The following RFX3 variants were observed in gnomAD, a reference collection of about 807,000 sequenced individuals.
RFX3 encodes the protein regulatory factor X3.
RFX3 carries 14 observed loss-of-function variants against 98.6 expected under a neutral mutation model. The ratio of observed to expected loss-of-function variants is 0.14; its 90% CI spans 0.09 to 0.22. RFX3 has a LOEUF of 0.22. Ranked by LOEUF, RFX3 falls within the 10% of genes least tolerant of loss-of-function variation. RFX3 has a pLI of 1.00. For missense variants in RFX3, 639 were observed against 926.9 expected (o/e 0.69, Z 4.03); for synonymous variants, 383 against 328.4 (o/e 1.17, Z -1.80).
intron 5 of RFX3, among the ~76,000 whole-genome samples, chr9:3,299,233 A>G (rs1376393315): frequency 6.6e-6 from 1 of 151,804 alleles, no homozygotes; most frequent in African/African-American, 2.4e-5. Context: ...AGAATGTAAA[A>G]TACTTTTAGC....
rs377654719 is a variant in RFX3, at chr9:3,505,410, TA to T, written c.-9+20336del. On this transcript the variant is annotated intron_variant, in intron 1 of 16. Coordinates refer to ENST00000617270, the MANE Select transcript of RFX3 (RefSeq NM_001282116.2). Reference sequence around the variant, plus strand: ...ATATAATATAAAATAAAATACTTTATATTTATATAAAATATAAAATAAAATA... The same window carrying T: ...ATATAATATAAAATAAAATACTTTATTTTATATAAAATATAAAATAAAATA... Among the ~76,000 whole-genome samples the T allele has an allele frequency of 2.8e-3, 72 of 25,460 alleles. 8 individuals are homozygous for T. Among genetic ancestry groups the T allele is most frequent in the Middle Eastern group, 0.038 (1 of 26 alleles). The allele number at this position is 25,460 out of a possible 152,430, so 16.7% of individuals were successfully genotyped here. A position where few individuals can be genotyped will look rare whatever the true frequency, so the allele number is the denominator to read the frequency against.
chr9:3,282,686 T>C (rs1187802934), intron 7 of RFX3, among the ~76,000 whole-genome samples: 1 of 151,796 alleles, frequency 6.6e-6, no homozygotes, highest in Non-Finnish European at 1.5e-5. Flanking sequence ...AGAACTGATA[T>C]ATTCTTGCTA....
At chr9:3,297,746 C>G (rs1300960910) in intron 5 of RFX3, among the ~76,000 whole-genome samples, 2 of 151,816 alleles carry the variant, frequency 1.3e-5, no homozygotes, top group Non-Finnish European at 2.9e-5. Context: ...AACCAGCAAA[C>G]AACAGGAAAT....
chr9:3,245,141 G>A lies in RFX3; in HGVS notation c.1968+2891C>T, dbSNP rs150496851. On this transcript the variant is annotated intron_variant, in intron 15 of 16. Coordinates refer to ENST00000617270, the MANE Select transcript of RFX3 (RefSeq NM_001282116.2). ...AGAACTGTGCAATTAGTATTGTGGA[G>A]CTTCTAGAATGACAAGTAAAAGTAC... Among the ~76,000 whole-genome samples, 328 of 152,290 alleles carry A rather than the reference G, an allele frequency of 2.2e-3. 3 individuals are homozygous for A. The highest frequency in any genetic ancestry group is 7.6e-3 in the African/African-American group (315 of 41,552).
intron 4 of RFX3, among the ~76,000 whole-genome samples, chr9:3,310,450 T>A (rs926335900): frequency 6.6e-6 from 1 of 152,262 alleles, no homozygotes; most frequent in African/African-American, 2.4e-5. Context: ...GGCTTTTTAA[T>A]CTTTTGTTAA....
At chr9:3,423,077 C>T (rs2132380679) in intron 1 of RFX3, among the ~76,000 whole-genome samples, 1 of 152,304 alleles carries the variant, frequency 6.6e-6, no homozygotes, top group East Asian at 1.9e-4. Flanking sequence ...CTGATGACTA[C>T]AGGCTTCTTC....
At chr9:3,341,703 T>G (rs1833908861) in intron 3 of RFX3, among the ~76,000 whole-genome samples, 1 of 152,196 alleles carries the variant, frequency 6.6e-6, no homozygotes, top group East Asian at 1.9e-4. Flanking sequence ...CAGGGTGCCC[T>G]TCCATGGTCT....
At chr9:3,249,333 A>C (rs932799225) in intron 14 of RFX3, among the ~76,000 whole-genome samples, 1 of 152,224 alleles carries the variant, frequency 6.6e-6, no homozygotes, top group Non-Finnish European at 1.5e-5. Flanking sequence ...CATCTGAAAC[A>C]CAGAAGCCTT....
chr9:3,381,352 T>C (rs1839174908), intron 2 of RFX3, among the ~76,000 whole-genome samples: 1 of 152,096 alleles, frequency 6.6e-6, no homozygotes, highest in South Asian at 2.1e-4. Flanking sequence ...AAAAAGATTA[T>C]TACTGGGATC....
chr9:3,426,518 AGAGGTGAGCAG>A lies in RFX3; in HGVS notation c.-8-30933_-8-30923del, dbSNP rs1263899545. On this transcript the variant is annotated intron_variant, in intron 1 of 16. Transcript: ENST00000617270. The stretch of plus-strand genomic sequence containing the variant: ...CAGACCACACAGCAGGAGGTGAGCA[AGAGGTGAGCAG>A]GAGGTGAGCAGCAGGTGAGCCAGTG... 4.0e-4 allele frequency among the ~76,000 whole-genome samples: 61 copies of A among 152,184 alleles called. 1 individual carries two copies. The highest frequency in any genetic ancestry group is 1.3e-3 in the African/African-American group (53 of 41,526).
At chr9:3,340,239 T>G (rs1295576633) in intron 3 of RFX3, among the ~76,000 whole-genome samples, 1 of 152,154 alleles carries the variant, frequency 6.6e-6, no homozygotes, top group Non-Finnish European at 1.5e-5. Flanking sequence ...TTACACCTTA[T>G]GCAAAAATTA....
At chr9:3,490,544 A>G (rs569493837) in intron 1 of RFX3, among the ~76,000 whole-genome samples, 2 of 152,258 alleles carry the variant, frequency 1.3e-5, no homozygotes, top group South Asian at 4.1e-4. Context: ...GCCAAAAAAG[A>G]TACTGTTTTT....
intron 1 of RFX3, among the ~76,000 whole-genome samples, chr9:3,506,327 T>C (rs1159780628): frequency 1.3e-5 from 2 of 151,712 alleles, no homozygotes; most frequent in Non-Finnish European, 2.9e-5. Flanking sequence ...CAAACATGGA[T>C]CTCACTACTG....
At chr9:3,248,315 A>G in intron 14 of RFX3, 130 bp from the exon 15 acceptor site, 1 of 1,154,324 alleles carries the variant, frequency 8.7e-7, no homozygotes, top group African/African-American at 1.6e-5. Flanking sequence ...ACCTGCCATG[A>G]AAGCATTTCA....
In RFX3 at chr9:3,277,525, G is replaced by A. The variant is rs368822444; in HGVS notation, c.852-64C>T. 89 of 1,413,016 alleles carry A rather than the reference G, an allele frequency of 6.3e-5. No individual in the cohort carries two copies. In the African/African-American group the frequency reaches 9.9e-4, roughly 16 times the overall value. 87.5% of individuals were successfully genotyped at this position (1,413,016 alleles called of 1,614,324 possible). A position where few individuals can be genotyped will look rare whatever the true frequency, so the allele number is the denominator to read the frequency against. ...TATTCCTTGCTTTTTTGTACTACCCGAAACTCCCAAAGCATTCAGTTTTAT... is the reference window on the plus strand; with the variant it reads ...TATTCCTTGCTTTTTTGTACTACCCAAAACTCCCAAAGCATTCAGTTTTAT... On this transcript the variant is annotated intron_variant, in intron 7 of 16. Coordinates refer to ENST00000617270, the MANE Select transcript of RFX3 (RefSeq NM_001282116.2).
At chr9:3,420,015 A>G (rs1269048158) in intron 1 of RFX3, among the ~76,000 whole-genome samples, 1 of 152,178 alleles carries the variant, frequency 6.6e-6, no homozygotes, top group African/African-American at 2.4e-5. Flanking sequence ...GCAGTTTGTC[A>G]TCGTCGCACG....
At chr9:3,329,099 C>T (rs1832273256) in intron 4 of RFX3, among the ~76,000 whole-genome samples, 1 of 152,104 alleles carries the variant, frequency 6.6e-6, no homozygotes, top group South Asian at 2.1e-4. Flanking sequence ...TACATCATTT[C>T]AGTACGCTAA....
At chr9:3,395,718 A>C (rs927075041) in intron 1 of RFX3, 122 bp from the exon 2 acceptor site, 2 of 945,376 alleles carry the variant, frequency 2.1e-6, no homozygotes, top group Non-Finnish European at 3.2e-6. Flanking sequence ...TCTTATCCCA[A>C]CATACTACCA....
intron 5 of RFX3, among the ~76,000 whole-genome samples, chr9:3,295,570 T>C (rs1412172492): frequency 6.6e-6 from 1 of 152,002 alleles, no homozygotes; most frequent in Non-Finnish European, 1.5e-5. Context: ...TGAAACAGAG[T>C]AGTATTTTTC....
Sources: allele counts gnomAD v4.1 joint callset (sites outside exome capture counted in the v4.1 genomes callset), GRCh38; gene constraint gnomAD v4.1.1; transcripts MANE v1.5; gene names NCBI Gene and HGNC (gene_info 2026-07-23, HGNC 2026-07-21).